DOCK8: variants seen among roughly 807,000 people sequenced by gnomAD.
The protein encoded by DOCK8 is dedicator of cytokinesis 8, also known as dedicator of cytokinesis protein 8.
DOCK8 carries 141 observed loss-of-function variants against 245.6 expected under a neutral mutation model. That is an observed-to-expected ratio of 0.57 (90% CI 0.50 to 0.66). DOCK8 has a LOEUF of 0.66. Ranked by LOEUF, DOCK8 falls within the 30% of genes least tolerant of loss-of-function variation. The pLI, the probability that DOCK8 is intolerant of heterozygous loss-of-function variation, is 0.00. For synonymous variants in DOCK8, 1,168 were observed against 970.2 expected (o/e 1.20, Z -3.79); for missense variants, 2,965 against 2,603.4 (o/e 1.14, Z -3.02).
chr9:374,437 C>A, intron 18 of DOCK8, among the ~76,000 whole-genome samples: 1 of 142,694 alleles, frequency 7.0e-6, no homozygotes. Flanking sequence ...ATATTACTTT[C>A]ACATGGTCCT....
At chr9:440,859 A>C (rs2057073896) in intron 40 of DOCK8, among the ~76,000 whole-genome samples, 1 of 152,086 alleles carries the variant, frequency 6.6e-6, no homozygotes, top group Non-Finnish European at 1.5e-5. Context: ...TCAACCGCCC[A>C]AGTAGCTGAG....
At chr9:215,817 A>G (rs1280949924) in intron 1 of DOCK8, 5 of 173,370 alleles carry the variant, frequency 2.9e-5, no homozygotes, top group African/African-American at 1.2e-4. Context: ...TTTTTCCTCC[A>G]CTAAAAACTG....
intron 24 of DOCK8, among the ~76,000 whole-genome samples, chr9:392,437 A>G (rs918909868): frequency 3.9e-5 from 6 of 152,202 alleles, no homozygotes; most frequent in African/African-American, 1.4e-4. Context: ...CATGGTCCCA[A>G]ATCCTTGCCA....
Position 421,035 on chromosome 9 carries a change from T to C in DOCK8, c.4110T>C (p.Arg1370=). The C allele has an allele frequency of 6.2e-7, 1 of 1,614,176 alleles. No homozygotes were observed. Among genetic ancestry groups the C allele is most frequent in the Non-Finnish European group, 8.5e-7 (1 of 1,180,014 alleles). Residue 1370 remains arginine (R), a synonymous_variant, in exon 32 of 48, where the codon CGT becomes CGC. Coordinates refer to ENST00000432829, the MANE Select transcript of DOCK8 (RefSeq NM_203447.4). ...CCCGGCTGGAAGAGGCTTTGCTCCG[T>C]GGGGAAGGGGCCAGAGGGGAGATGA... ...VKARLEEALL[R]GEGARGEMMR... is the part of the protein sequence containing the mutation.
intron 24 of DOCK8, among the ~76,000 whole-genome samples, chr9:391,438 T>C (rs1266679059): frequency 6.6e-6 from 1 of 152,186 alleles, no homozygotes; most frequent in African/African-American, 2.4e-5. Context: ...GCCCAATTAA[T>C]ATCTGTTGGA....
chr9:408,454 C>G (rs533965245), intron 28 of DOCK8, among the ~76,000 whole-genome samples: 1 of 152,318 alleles, frequency 6.6e-6, no homozygotes, highest in South Asian at 2.1e-4. Flanking sequence ...ATTCTATCTT[C>G]TCTTCTCAAC....
rs1215272842 is a variant in DOCK8, at chr9:407,018, C to G, written c.3479C>G (p.Thr1160Ser). ...GAGTACCGCCAGCAGCACTTCCTCA[C>G]CGGGCTCCTCTTCACAGAACTGGCT... is the stretch of plus-strand genomic sequence containing the variant. ...TSEYRQQHFL[T>S]GLLFTELAAA... is the part of the protein sequence containing the mutation. Residue 1160 changes from threonine (T) to serine (S), a missense_variant, in exon 28 of 48, where the codon ACC (threonine) becomes AGC (serine). Physicochemically the swap from Thr to Ser is moderately conservative, Grantham distance 58. This residue lies in a region of DOCK8 where 2,825 missense variants were observed against 2,453.5 expected (regional missense o/e 1.15). Coordinates refer to ENST00000432829, the MANE Select transcript of DOCK8 (RefSeq NM_203447.4). The G allele has an allele frequency of 6.2e-7, 1 of 1,614,126 alleles. No homozygotes were observed. The highest frequency in any genetic ancestry group is 8.5e-7 in the Non-Finnish European group (1 of 1,180,026).
Position 382,495 on chromosome 9 carries a change from C to G in DOCK8, c.2606-18C>G. On this transcript the variant is annotated intron_variant, in intron 21 of 47. Coordinates refer to ENST00000432829, the MANE Select transcript of DOCK8 (RefSeq NM_203447.4). ...TGTTCCCCTGTCTGTTGACATGTCT[C>G]TGCCTGGTGGGGTGCAGGCGCTCCC... 1 of 1,613,306 alleles carries G rather than the reference C, an allele frequency of 6.2e-7. No homozygotes were observed. The highest frequency in any genetic ancestry group is 1.3e-5 in the African/African-American group (1 of 75,048).
At chr9:360,617 T>C (rs751458100) in intron 14 of DOCK8, among the ~76,000 whole-genome samples, 1 of 152,246 alleles carries the variant, frequency 6.6e-6, no homozygotes, top group South Asian at 2.1e-4. Context: ...TAAAAATTTA[T>C]TGATTTCGGT....
At chr9:437,374 C>A (rs77349472) in intron 39 of DOCK8, among the ~76,000 whole-genome samples, 1 of 152,170 alleles carries the variant, frequency 6.6e-6, no homozygotes, top group Non-Finnish European at 1.5e-5. Context: ...AGAGATGCCT[C>A]CTTTCTAGCA....
intron 1 of DOCK8, among the ~76,000 whole-genome samples, chr9:216,035 C>G (rs116982214): frequency 3.3e-5 from 5 of 152,232 alleles, no homozygotes; most frequent in Admixed American, 2.6e-4. Context: ...GAGGTTTGAA[C>G]AAGGAATTAA....
chr9:285,825 T>G (rs998793308), intron 2 of DOCK8, among the ~76,000 whole-genome samples: 7 of 152,128 alleles, frequency 4.6e-5, no homozygotes, highest in African/African-American at 1.7e-4. Context: ...TTGCCCTGAG[T>G]TTCCTTGCGT....
intron 14 of DOCK8, among the ~76,000 whole-genome samples, chr9:356,099 G>C (rs908025012): frequency 1.3e-5 from 2 of 152,168 alleles, no homozygotes; most frequent in Non-Finnish European, 2.9e-5. Context: ...AGACAAATAA[G>C]AAAAAGTAAA....
intron 1 of DOCK8, among the ~76,000 whole-genome samples, chr9:244,579 A>G (rs1210756177): frequency 1.3e-5 from 2 of 152,152 alleles, no homozygotes; most frequent in African/African-American, 4.8e-5. Flanking sequence ...CTTCAAGAGG[A>G]TATGTTTTGC....
At chr9:329,132 A>G (rs1244165377) in intron 9 of DOCK8, among the ~76,000 whole-genome samples, 1 of 151,662 alleles carries the variant, frequency 6.6e-6, no homozygotes, top group African/African-American at 2.4e-5. Flanking sequence ...TTGTATTTTT[A>G]GTAGGGACAG....
At chr9:212,935 C>T (rs1394336209), upstream of DOCK8, 1 of 152,180 alleles carries the variant, frequency 6.6e-6, no homozygotes, top group East Asian at 1.9e-4. Context: ...GAAAGGCTGA[C>T]ATGGTACACC....
intron 1 of DOCK8, among the ~76,000 whole-genome samples, chr9:245,240 T>C (rs193192498): frequency 1.3e-5 from 2 of 152,314 alleles, no homozygotes; most frequent in African/African-American, 2.4e-5. Context: ...AGTCTCACAC[T>C]GTCACCCAGG....
chr9:435,495 T>G (rs915985569), intron 39 of DOCK8, among the ~76,000 whole-genome samples: 1 of 152,224 alleles, frequency 6.6e-6, no homozygotes, highest in Non-Finnish European at 1.5e-5. Flanking sequence ...TTCAAAGACT[T>G]GTAGTTGACA....
rs759169201 is a variant in DOCK8 at position 429,776 on chromosome 9, C to T, written c.4548C>T (p.Ser1516=). Residue 1516 remains serine (S), a synonymous_variant, in exon 36 of 48, where the codon AGC becomes AGT. Coordinates refer to ENST00000432829, the MANE Select transcript of DOCK8 (RefSeq NM_203447.4). Reference sequence around the variant, plus strand: ...GTCACCAAGTCCTGCACCACTGCAGCAGCAGCATGGATGTCACCCGGAGCC... The same window carrying T: ...GTCACCAAGTCCTGCACCACTGCAGTAGCAGCATGGATGTCACCCGGAGCC... ...DLCHQVLHHC[S]SSMDVTRSQA... is the part of the protein sequence containing the mutation. 5.6e-6 allele frequency: 9 copies of T among 1,614,116 alleles called. No homozygotes were observed. The South Asian group carries it at 7.7e-5, about 14-fold the overall frequency.
Sources: allele counts gnomAD v4.1 joint callset (sites outside exome capture counted in the v4.1 genomes callset), GRCh38; gene constraint gnomAD v4.1.1; regional missense constraint gnomAD v4.1.1; transcripts MANE v1.5; gene names NCBI Gene and HGNC (gene_info 2026-07-23, HGNC 2026-07-21).